The following NHEJ1 variants were observed in gnomAD, a reference collection of about 807,000 sequenced individuals.
The protein encoded by NHEJ1 is non-homologous end joining factor 1, also known as non-homologous end-joining factor 1.
A neutral mutation model predicts 39.4 loss-of-function variants in NHEJ1; 22 were observed. That is an observed-to-expected ratio of 0.56 (90% CI 0.40 to 0.80). The LOEUF (loss-of-function observed/expected upper bound fraction) is 0.80. NHEJ1 is among the 30% of genes least tolerant of loss of function. The pLI, the probability that NHEJ1 is intolerant of heterozygous loss-of-function variation, is 0.00. For synonymous variants in NHEJ1, 154 were observed against 135.6 expected, an observed-to-expected ratio of 1.14 and a Z score of -0.94; for missense variants, 329 against 357.1, an observed-to-expected ratio of 0.92 and a Z score of 0.63.
chr2:219,080,058 C>T (rs1949048183), intron 5 of NHEJ1, among the ~76,000 whole-genome samples: 1 of 152,136 alleles, frequency 6.6e-6, no homozygotes, highest in Admixed American at 6.5e-5. Context: ...AGTATTTAAC[C>T]TCAAAACGAA....
intron 5 of NHEJ1, among the ~76,000 whole-genome samples, chr2:219,138,938 A>G (rs975306886): frequency 2.0e-5 from 3 of 152,220 alleles, no homozygotes; most frequent in Non-Finnish European, 4.4e-5. Context: ...AAGTTTAATT[A>G]ATTACCTTCC....
At chr2:219,147,566 T>C in intron 4 of NHEJ1, 91 bp downstream of exon 4, 1 of 1,526,362 alleles carries the variant, frequency 6.6e-7, no homozygotes, top group Non-Finnish European at 9.1e-7. Context: ...GGGGAGGCAC[T>C]TCTCTAATGC....
In NHEJ1 at chr2:219,154,776, G is replaced by C. The variant is rs377493596; in HGVS notation, c.390+2696C>G. On this transcript the variant is annotated intron_variant, in intron 3 of 7. Transcript: ENST00000356853. The stretch of plus-strand genomic sequence containing the variant: ...GACTCATCCCTTCCTAAACACTGTT[G>C]TCTCTTTCCTTTAATGTAGTTCCCC... Among the ~76,000 whole-genome samples, 33 of 151,132 alleles carry C rather than the reference G, an allele frequency of 2.2e-4. No individual in the cohort carries two copies. In the East Asian group the frequency reaches 6.4e-3, roughly 29 times the overall value.
rs556869022 is a variant in NHEJ1, at chr2:219,070,983, C to T, written c.*5398G>A. Among the ~76,000 whole-genome samples, 20 of 152,286 alleles carry T rather than the reference C, an allele frequency of 1.3e-4. No individual in the cohort carries two copies. The South Asian group carries it at 2.7e-3, about 21-fold the overall frequency. On this transcript the variant is annotated 3_prime_UTR_variant, in exon 8 of 8. Coordinates refer to ENST00000356853, the MANE Select transcript of NHEJ1 (RefSeq NM_024782.3). The stretch of plus-strand genomic sequence containing the variant: ...TCCCCATTCCTCTCACGTGACAGGA[C>T]GCCCTGAAATCCCCGCTAGGCAACA...
intron 5 of NHEJ1, among the ~76,000 whole-genome samples, chr2:219,101,047 T>G (rs1418957871): frequency 2.0e-5 from 3 of 152,254 alleles, no homozygotes; most frequent in African/African-American, 7.2e-5. Context: ...GGGATCACAT[T>G]ACATATATTC....
chr2:219,103,567 T>C (rs1410185388), intron 5 of NHEJ1, among the ~76,000 whole-genome samples: 3 of 152,204 alleles, frequency 2.0e-5, no homozygotes, highest in Non-Finnish European at 2.9e-5. Flanking sequence ...TGAGCCACCA[T>C]GCCTGACCAC....
At chr2:219,159,625 ATCTT>A (rs1949909352) in intron 1 of NHEJ1, among the ~76,000 whole-genome samples, 1 of 139,660 alleles carries the variant, frequency 7.2e-6, no homozygotes, top group South Asian at 2.3e-4. Flanking sequence ...ATACGTGGTG[ATCTT>A]TCTTTATGGC....
At chr2:219,080,341 G>A (rs545297873) in intron 5 of NHEJ1, among the ~76,000 whole-genome samples, 18 of 151,700 alleles carry the variant, frequency 1.2e-4, no homozygotes, top group Admixed American at 5.9e-4. Flanking sequence ...ACGAGACCAC[G>A]GTGAAACCGC....
chr2:219,156,907 A>C (rs1949860071), intron 3 of NHEJ1, among the ~76,000 whole-genome samples: 1 of 152,218 alleles, frequency 6.6e-6, no homozygotes. Context: ...AGAATCCTTC[A>C]AGATCCACTG....
intron 5 of NHEJ1, among the ~76,000 whole-genome samples, chr2:219,089,855 C>T (rs1165680589): frequency 6.6e-6 from 1 of 152,126 alleles, no homozygotes; most frequent in African/African-American, 2.4e-5. Flanking sequence ...GGAATAGATG[C>T]TTAGGCTCCC....
intron 5 of NHEJ1, among the ~76,000 whole-genome samples, chr2:219,087,459 T>C (rs530785496): frequency 3.4e-4 from 51 of 151,966 alleles, no homozygotes; most frequent in Non-Finnish European, 6.2e-4. Context: ...TAGAGTACCC[T>C]GCAGTATTCT....
rs1167628481 is a variant in NHEJ1 at position 219,070,012 on chromosome 2, T to A, written c.*6369A>T. ...AGAAACAGGAATCATTAAACATGCA[T>A]TAACTCAAATTATATACTTATTGAC... On this transcript the variant is annotated 3_prime_UTR_variant, in exon 8 of 8. Coordinates refer to ENST00000356853, the MANE Select transcript of NHEJ1 (RefSeq NM_024782.3). Among the ~76,000 whole-genome samples the A allele has an allele frequency of 6.6e-6, 1 of 152,142 alleles. No homozygotes were observed. Among genetic ancestry groups the A allele is most frequent in the Admixed American group, 6.5e-5 (1 of 15,272 alleles).
chr2:219,144,268 T>C (rs576963622), intron 5 of NHEJ1, among the ~76,000 whole-genome samples: 29 of 152,280 alleles, frequency 1.9e-4, no homozygotes, highest in African/African-American at 7.0e-4. Context: ...TCCAAACTTA[T>C]TGAAGACTTA....
chr2:219,117,185 G>T (rs1050398473), intron 5 of NHEJ1, among the ~76,000 whole-genome samples: 1 of 151,918 alleles, frequency 6.6e-6, no homozygotes, highest in Non-Finnish European at 1.5e-5. Context: ...CTACTGGCTC[G>T]ACCTGGCCTG....
chr2:219,116,204 C>A (rs1949414419), intron 5 of NHEJ1, among the ~76,000 whole-genome samples: 1 of 152,246 alleles, frequency 6.6e-6, no homozygotes. Flanking sequence ...AAGGCCTATG[C>A]CCTGGCTCAG....
chr2:219,091,135 TGTGGAAAAAGTTTTGGGATGCAG>T (rs970217617), intron 5 of NHEJ1, among the ~76,000 whole-genome samples: 3 of 152,134 alleles, frequency 2.0e-5, no homozygotes, highest in African/African-American at 7.2e-5. Flanking sequence ...AGTCTGTATC[TGTGGAAAAAGTTTTGGGATGCAG>T]GTTTATCCCA....
chr2:219,122,769 T>C (rs983609668), intron 5 of NHEJ1, among the ~76,000 whole-genome samples: 11 of 152,200 alleles, frequency 7.2e-5, no homozygotes, highest in African/African-American at 2.7e-4. Context: ...ACCTCATGAA[T>C]ATTGATGAGC....
chr2:219,115,389 G>C (rs1322484270), intron 5 of NHEJ1, among the ~76,000 whole-genome samples: 2 of 152,214 alleles, frequency 1.3e-5, no homozygotes, highest in Non-Finnish European at 2.9e-5. Flanking sequence ...CCATCCACTT[G>C]AAAGCTATGA....
chr2:219,140,346 A>C (rs1286871188), intron 5 of NHEJ1, among the ~76,000 whole-genome samples: 1 of 152,244 alleles, frequency 6.6e-6, no homozygotes, highest in Non-Finnish European at 1.5e-5. Flanking sequence ...CTTTGAGCAG[A>C]AGAATATCAC....
Sources: allele counts gnomAD v4.1 joint callset (sites outside exome capture counted in the v4.1 genomes callset), GRCh38; gene constraint gnomAD v4.1.1; transcripts MANE v1.5; gene names NCBI Gene and HGNC (gene_info 2026-07-23, HGNC 2026-07-21).